The following DOCK4 variants were observed in gnomAD, a reference collection of about 807,000 sequenced individuals.
The protein encoded by DOCK4 is dedicator of cytokinesis 4, also known as dedicator of cytokinesis protein 4.
A neutral mutation model predicts 268.1 loss-of-function variants in DOCK4; 97 were observed. The ratio of observed to expected loss-of-function variants is 0.36; its 90% CI spans 0.31 to 0.43. The LOEUF (loss-of-function observed/expected upper bound fraction) is 0.43. Ranked by LOEUF, DOCK4 falls within the 20% of genes least tolerant of loss-of-function variation. DOCK4 has a pLI of 1.00. For synonymous variants in DOCK4, 954 were observed against 887.2 expected (o/e 1.08, Z -1.34); for missense variants, 2,145 against 2,455.7 (o/e 0.87, Z 2.67).
At chr7:111,929,126 G>A (rs1265938136) in intron 12 of DOCK4, among the ~76,000 whole-genome samples, 1 of 152,034 alleles carries the variant, frequency 6.6e-6, no homozygotes, top group East Asian at 1.9e-4. Context: ...GTGTATATGT[G>A]TATATATGTA....
At chr7:111,912,519 T>C (rs1276165361) in intron 13 of DOCK4, among the ~76,000 whole-genome samples, 5 of 152,030 alleles carry the variant, frequency 3.3e-5, no homozygotes, top group African/African-American at 7.2e-5. Flanking sequence ...CAAGAGGATA[T>C]GTCAAAAAAA....
At chr7:111,999,945 T>C (rs1201979441) in intron 3 of DOCK4, among the ~76,000 whole-genome samples, 1 of 152,092 alleles carries the variant, frequency 6.6e-6, no homozygotes, top group African/African-American at 2.4e-5. Context: ...TACTTCTTGC[T>C]CTAATTCCTG....
At chr7:111,991,928 T>C (rs887821991) in intron 5 of DOCK4, among the ~76,000 whole-genome samples, 1 of 115,976 alleles carries the variant, frequency 8.6e-6, no homozygotes, top group Non-Finnish European at 1.6e-5. Context: ...GCCACTGCAC[T>C]CCAGCCTGGG....
intron 1 of DOCK4, among the ~76,000 whole-genome samples, chr7:112,089,481 T>C (rs934237426): frequency 1.3e-5 from 2 of 152,222 alleles, no homozygotes; most frequent in African/African-American, 4.8e-5. Context: ...CTTTCAAGGA[T>C]ATACAACTTA....
chr7:111,882,420 A>C (rs1473086126), intron 16 of DOCK4, among the ~76,000 whole-genome samples: 1 of 152,228 alleles, frequency 6.6e-6, no homozygotes, highest in African/African-American at 2.4e-5. Flanking sequence ...TTAAATTAAA[A>C]TTTTGAGGAA....
At chr7:112,156,056 GAGACCCCT>G (rs1173968433) in intron 1 of DOCK4, among the ~76,000 whole-genome samples, 1 of 152,050 alleles carries the variant, frequency 6.6e-6, no homozygotes, top group African/African-American at 2.4e-5. Flanking sequence ...CGCAGACCTC[GAGACCCCT>G]AGATGTAACA....
intron 1 of DOCK4, among the ~76,000 whole-genome samples, chr7:112,035,544 T>C (rs112911283): frequency 1.5e-3 from 232 of 152,220 alleles, no homozygotes; most frequent in African/African-American, 5.2e-3. Context: ...AATAGTATTA[T>C]GCAGTTAATA....
chr7:111,896,241 C>T (rs906039373), intron 15 of DOCK4, among the ~76,000 whole-genome samples: 1 of 152,096 alleles, frequency 6.6e-6, no homozygotes, highest in Non-Finnish European at 1.5e-5. Flanking sequence ...GTTGCAGTTA[C>T]CTCCTTGGAA....
intron 39 of DOCK4, among the ~76,000 whole-genome samples, chr7:111,762,757 G>GTTTTTTTTTTTTT (rs1797499588): frequency 1.3e-4 from 7 of 55,010 alleles, no homozygotes; most frequent in African/African-American, 3.4e-4. Flanking sequence ...ATTTTGTTTT[G>GTTTTTTTTTTTTT]TTTTCTTTTT....
intron 23 of DOCK4, among the ~76,000 whole-genome samples, chr7:111,855,116 G>A (rs185480647): frequency 6.6e-6 from 1 of 152,246 alleles, no homozygotes; most frequent in Non-Finnish European, 1.5e-5. Context: ...AGGTGGACGG[G>A]GCCACATCAC....
At chr7:112,039,836 T>C (rs1275591512) in intron 1 of DOCK4, among the ~76,000 whole-genome samples, 2 of 152,168 alleles carry the variant, frequency 1.3e-5, no homozygotes, top group Non-Finnish European at 2.9e-5. Context: ...CCTGATCCCT[T>C]TACCTGGAGA....
chr7:111,728,759 T>C (rs769514486), intron 52 of DOCK4, 39 bp from the exon 53 acceptor site: 6 of 1,553,452 alleles, frequency 3.9e-6, no homozygotes, highest in South Asian at 2.4e-5. Flanking sequence ...AGACACAGCA[T>C]TGAGTCGTGA....
At chr7:112,178,549 G>T (rs897095204) in intron 1 of DOCK4, among the ~76,000 whole-genome samples, 1 of 152,070 alleles carries the variant, frequency 6.6e-6, no homozygotes, top group African/African-American at 2.4e-5. Flanking sequence ...ACAGTGCTAG[G>T]AAAAGAGCTG....
chr7:111,816,941 G>A (rs1801603568), intron 27 of DOCK4, among the ~76,000 whole-genome samples: 1 of 152,162 alleles, frequency 6.6e-6, no homozygotes, highest in Non-Finnish European at 1.5e-5. Context: ...TCAGTCAATG[G>A]GGCACGCAGT....
Position 112,034,513 on chromosome 7 carries a change from G to A in DOCK4, c.38-30382C>T, listed in dbSNP as rs577968770. On this transcript the variant is annotated intron_variant, in intron 1 of 52. Coordinates refer to ENST00000428084, the MANE Select transcript of DOCK4 (RefSeq NM_001363540.2). ...CTTGAGACTAGACTCTTGTATGTAC[G>A]AAGGCACCCTGACCACATTCCAAGA... Among the ~76,000 whole-genome samples the A allele has an allele frequency of 5.3e-5, 8 of 152,314 alleles. No homozygotes were observed. The South Asian group carries it at 6.2e-4, about 12-fold the overall frequency.
At position 111,866,986 on chromosome 7, in the gene DOCK4, A is replaced by G. The variant is rs573662546; in HGVS notation, c.2280+998T>C. Among the ~76,000 whole-genome samples the G allele has an allele frequency of 3.3e-5, 5 of 152,342 alleles. No individual in the cohort carries two copies. The South Asian group carries it at 1.0e-3, about 32-fold the overall frequency. ...ACACTGAGGTCTCTGGCAAGTTCCC[A>G]TAGTGCAGTGATTGTACTCTTGACT... On this transcript the variant is annotated intron_variant, in intron 22 of 52. Transcript: ENST00000428084.
intron 1 of DOCK4, among the ~76,000 whole-genome samples, chr7:112,146,264 A>G (rs1171070465): frequency 1.3e-5 from 2 of 152,198 alleles, no homozygotes; most frequent in Non-Finnish European, 2.9e-5. Context: ...GTCTCCAAGC[A>G]AAAGCTACAG....
chr7:112,102,260 G>T (rs1056253342), intron 1 of DOCK4, among the ~76,000 whole-genome samples: 40 of 152,082 alleles, frequency 2.6e-4, no homozygotes, highest in African/African-American at 9.4e-4. Flanking sequence ...TTAATAGCAG[G>T]TCTCAAGAAA....
intron 1 of DOCK4, among the ~76,000 whole-genome samples, chr7:112,122,657 T>C (rs1309078647): frequency 2.0e-5 from 3 of 152,198 alleles, no homozygotes; most frequent in Non-Finnish European, 4.4e-5. Context: ...CCAAGTGCAT[T>C]TATTGAGAGG....
Sources: gnomAD v4.1 joint callset for allele counts (sites outside exome capture counted in the v4.1 genomes callset) on GRCh38, gnomAD v4.1.1 for gene constraint, MANE v1.5 for transcripts, NCBI Gene and HGNC (gene_info 2026-07-23, HGNC 2026-07-21) for gene names.